Variants in CDK6 observed in about 807,000 individuals in gnomAD.
The protein encoded by CDK6 is cyclin-dependent kinase 6.
Under a neutral mutation model 37.1 loss-of-function variants are expected in CDK6, and 6 were observed. The ratio of observed to expected loss-of-function variants is 0.16; its 90% confidence interval spans 0.09 to 0.32. CDK6 has a LOEUF of 0.32. Among genes scored for constraint, CDK6 ranks in the 10% least tolerant of loss-of-function variants. CDK6 has a pLI of 1.00. For synonymous variants in CDK6, 160 were observed against 161.3 expected, an observed-to-expected ratio of 0.99 and a Z score of 0.06; for missense variants, 224 against 418.9, an observed-to-expected ratio of 0.53 and a Z score of 4.06.
chr7:92,766,637 CAA>C (rs1024047517), intron 3 of CDK6, among the ~76,000 whole-genome samples: 4 of 151,744 alleles, frequency 2.6e-5, no homozygotes, highest in African/African-American at 4.8e-5. Flanking sequence ...GAAGAAGAGC[CAA>C]AAAAAGAGAC....
chr7:92,630,516 C>T (rs1292675443), intron 5 of CDK6, among the ~76,000 whole-genome samples: 1 of 152,032 alleles, frequency 6.6e-6, no homozygotes, highest in Non-Finnish European at 1.5e-5. Flanking sequence ...GTTTTAGAAC[C>T]AGGAAAATAA....
At chr7:92,669,482 C>CTAT (rs1797028426) in intron 5 of CDK6, among the ~76,000 whole-genome samples, 3 of 152,162 alleles carry the variant, frequency 2.0e-5, no homozygotes, top group African/African-American at 7.2e-5. Flanking sequence ...TGTTGAAGGA[C>CTAT]TCTGTCTTTA....
At chr7:92,678,831 G>A (rs935864436) in intron 4 of CDK6, among the ~76,000 whole-genome samples, 6 of 152,102 alleles carry the variant, frequency 3.9e-5, no homozygotes, top group Non-Finnish European at 5.9e-5. Flanking sequence ...GGGAAGTCTC[G>A]GCAGGAATTC....
intron 4 of CDK6, among the ~76,000 whole-genome samples, chr7:92,680,406 T>C (rs1797305243): frequency 8.6e-6 from 1 of 116,138 alleles, no homozygotes; most frequent in African/African-American, 3.5e-5. Context: ...CGCTCCAGCC[T>C]GGGCCAACAA....
At chr7:92,801,869 G>C (rs888094704) in intron 2 of CDK6, among the ~76,000 whole-genome samples, 1 of 151,752 alleles carries the variant, frequency 6.6e-6, no homozygotes, top group Non-Finnish European at 1.5e-5. Flanking sequence ...TGATCCACCC[G>C]CCTTAGCTTT....
intron 2 of CDK6, among the ~76,000 whole-genome samples, chr7:92,797,689 T>C (rs1262029466): frequency 1.3e-5 from 2 of 152,210 alleles, no homozygotes; most frequent in Non-Finnish European, 2.9e-5. Context: ...AGAATAAAGA[T>C]CAGGACTACC....
At chr7:92,819,213 T>C (rs920881550) in intron 2 of CDK6, among the ~76,000 whole-genome samples, 1 of 152,030 alleles carries the variant, frequency 6.6e-6, no homozygotes, top group African/African-American at 2.4e-5. Flanking sequence ...TAAATCCATA[T>C]AATGGAAAAT....
chr7:92,703,431 G>A (rs888350208), intron 4 of CDK6, among the ~76,000 whole-genome samples: 1 of 152,100 alleles, frequency 6.6e-6, no homozygotes, highest in Non-Finnish European at 1.5e-5. Context: ...CTAATGATAT[G>A]ACATGTTTCA....
At chr7:92,618,466 A>G (rs912025254) in intron 6 of CDK6, among the ~76,000 whole-genome samples, 6 of 152,208 alleles carry the variant, frequency 3.9e-5, no homozygotes, top group African/African-American at 1.2e-4. Context: ...AGCAGACACT[A>G]AATGTAAGGG....
chr7:92,758,197 A>C (rs545634690), intron 3 of CDK6, among the ~76,000 whole-genome samples: 1 of 152,218 alleles, frequency 6.6e-6, no homozygotes, highest in Non-Finnish European at 1.5e-5. Flanking sequence ...TTTGACATGA[A>C]ATCTTTGCCC....
chr7:92,714,756 G>A (rs1457234853), intron 4 of CDK6, among the ~76,000 whole-genome samples: 1 of 151,838 alleles, frequency 6.6e-6, no homozygotes, highest in African/African-American at 2.4e-5. Context: ...CTTGATAGTA[G>A]CTTTTAAATG....
In CDK6 at chr7:92,699,881, T is replaced by C. The variant is rs377636669; in HGVS notation, c.537+25745A>G. On this transcript the variant is annotated intron_variant, in intron 4 of 7. Transcript: ENST00000424848. Reference sequence around the variant, plus strand: ...TATGAGCTACATCACCTTGGCTAAATAGCTTAACCTCTCCATGCCTCTGTT... The same window carrying C: ...TATGAGCTACATCACCTTGGCTAAACAGCTTAACCTCTCCATGCCTCTGTT... 9.4e-4 allele frequency among the ~76,000 whole-genome samples: 143 copies of C among 152,354 alleles called. 3 individuals are homozygous for C. The South Asian group carries it at 0.027, about 29-fold the overall frequency.
chr7:92,735,679 C>T (rs1054906762), intron 3 of CDK6, among the ~76,000 whole-genome samples: 1 of 152,186 alleles, frequency 6.6e-6, no homozygotes, highest in Admixed American at 6.5e-5. Flanking sequence ...GCACGTTATA[C>T]ATAGAAATCT....
chr7:92,713,342 G>C (rs562284924), intron 4 of CDK6, among the ~76,000 whole-genome samples: 2 of 152,118 alleles, frequency 1.3e-5, no homozygotes, highest in Non-Finnish European at 2.9e-5. Flanking sequence ...TAAATGCATA[G>C]GCAGCTTTTG....
chr7:92,706,955 G>A (rs1797981189), intron 4 of CDK6, among the ~76,000 whole-genome samples: 1 of 152,048 alleles, frequency 6.6e-6, no homozygotes, highest in African/African-American at 2.4e-5. Context: ...GATTTCTTCA[G>A]CATAATCATT....
chr7:92,752,164 G>A (rs538431486), intron 3 of CDK6, among the ~76,000 whole-genome samples: 1 of 152,188 alleles, frequency 6.6e-6, no homozygotes, highest in East Asian at 1.9e-4. Context: ...CTTCCCAACT[G>A]CATGAGAATG....
chr7:92,693,070 T>A (rs902336467), intron 4 of CDK6, among the ~76,000 whole-genome samples: 3 of 152,244 alleles, frequency 2.0e-5, no homozygotes, highest in African/African-American at 7.2e-5. Context: ...TTGGTTCACC[T>A]ACCAAACAAA....
At chr7:92,780,914 T>C (rs1022143681) in intron 2 of CDK6, among the ~76,000 whole-genome samples, 2 of 152,182 alleles carry the variant, frequency 1.3e-5, no homozygotes, top group Non-Finnish European at 2.9e-5. Flanking sequence ...TTAAAAATTT[T>C]TGCTAATCTG....
At chr7:92,683,807 T>C (rs1797390561) in intron 4 of CDK6, among the ~76,000 whole-genome samples, 1 of 152,188 alleles carries the variant, frequency 6.6e-6, no homozygotes, top group African/African-American at 2.4e-5. Context: ...ATGCTGTTCA[T>C]TTAGCAAGAT....
Sources: allele counts gnomAD v4.1 joint callset (sites outside exome capture counted in the v4.1 genomes callset), GRCh38; gene constraint gnomAD v4.1.1; transcripts MANE v1.5; gene names NCBI Gene and HGNC (gene_info 2026-07-23, HGNC 2026-07-21).